Variants in OPCML observed in about 807,000 individuals in gnomAD.
OPCML encodes the protein opioid-binding protein/cell adhesion molecule.
A neutral mutation model predicts 37.8 loss-of-function variants in OPCML; 13 were observed. The observed-to-expected ratio is 0.34, with a 90% CI of 0.22 to 0.55. The LOEUF is 0.55. Among genes scored for constraint, OPCML ranks in the 20% least tolerant of loss-of-function variants. The pLI, the probability that OPCML is intolerant of heterozygous loss-of-function variation, is 0.91. For synonymous variants in OPCML, 176 were observed against 168.8 expected, an observed-to-expected ratio of 1.04 and a Z score of -0.33; for missense variants, 341 against 435.6, an observed-to-expected ratio of 0.78 and a Z score of 1.93.
intron 1 of OPCML, among the ~76,000 whole-genome samples, chr11:133,487,111 T>C (rs1258309563): frequency 1.3e-5 from 2 of 152,146 alleles, no homozygotes; most frequent in Non-Finnish European, 2.9e-5. Flanking sequence ...ACACATAATC[T>C]ATTCTTGTAA....
intron 1 of OPCML, among the ~76,000 whole-genome samples, chr11:133,473,780 C>G (rs1947171119): frequency 6.6e-6 from 1 of 152,220 alleles, no homozygotes; most frequent in South Asian, 2.1e-4. Context: ...ATCCAACCCA[C>G]ATGGGCAGGG....
chr11:132,897,405 G>A (rs1943891696), intron 2 of OPCML, among the ~76,000 whole-genome samples: 1 of 152,302 alleles, frequency 6.6e-6, no homozygotes, highest in Non-Finnish European at 1.5e-5. Flanking sequence ...GGCATGCACA[G>A]CAGCAGTCCC....
intron 1 of OPCML, among the ~76,000 whole-genome samples, chr11:133,337,262 C>A (rs1454629353): frequency 6.6e-6 from 1 of 152,308 alleles, no homozygotes; most frequent in Non-Finnish European, 1.5e-5. Context: ...CTGTGCAGAC[C>A]TCTCTGTAAA....
chr11:132,708,729 T>C (rs1237888128), intron 2 of OPCML, among the ~76,000 whole-genome samples: 3 of 152,202 alleles, frequency 2.0e-5, no homozygotes, highest in Non-Finnish European at 1.5e-5. Context: ...GGAGTGAAGC[T>C]AAGAAATTTT....
chr11:133,117,700 C>G, intron 1 of OPCML: 2 of 800,488 alleles, frequency 2.5e-6, no homozygotes, highest in Non-Finnish European at 3.0e-6. Flanking sequence ...GGTAATCACT[C>G]TCAAAATAAA....
chr11:132,539,725 T>C (rs1030720737), intron 3 of OPCML, among the ~76,000 whole-genome samples: 3 of 151,976 alleles, frequency 2.0e-5, no homozygotes, highest in African/African-American at 7.3e-5. Flanking sequence ...GTGATGATGA[T>C]GGTGATAATG....
chr11:132,463,403 C>G (rs903827701), intron 4 of OPCML, among the ~76,000 whole-genome samples: 1 of 152,322 alleles, frequency 6.6e-6, no homozygotes, highest in African/African-American at 2.4e-5. Context: ...CCAGGAAACT[C>G]TAGTGTAGTC....
intron 1 of OPCML, among the ~76,000 whole-genome samples, chr11:133,315,792 C>T (rs768586374): frequency 1.3e-5 from 2 of 152,124 alleles, no homozygotes; most frequent in Non-Finnish European, 2.9e-5. Context: ...GAGCAAAACT[C>T]CATCCCAGGG....
intron 1 of OPCML, chr11:133,531,996 G>A (rs534624227): frequency 1.2e-5 from 2 of 164,038 alleles, no homozygotes; most frequent in African/African-American, 4.8e-5. Context: ...AAACAGCAGT[G>A]CCTCACAGCA....
chr11:133,299,344 T>G (rs987869927), intron 1 of OPCML: 1 of 152,264 alleles, frequency 6.6e-6, no homozygotes, highest in Non-Finnish European at 1.5e-5. Flanking sequence ...GCACTAATAG[T>G]TAATCCCTGG....
At chr11:133,189,722 C>G (rs1417966643) in intron 1 of OPCML, among the ~76,000 whole-genome samples, 1 of 152,142 alleles carries the variant, frequency 6.6e-6, no homozygotes, top group Non-Finnish European at 1.5e-5. Flanking sequence ...AACACACAAC[C>G]AGCTTATTAA....
chr11:133,207,249 G>A (rs1037155378), intron 1 of OPCML, among the ~76,000 whole-genome samples: 4 of 151,948 alleles, frequency 2.6e-5, no homozygotes, highest in East Asian at 1.9e-4. Context: ...GTAGTGAGCC[G>A]AGATCAAGCC....
intron 2 of OPCML, among the ~76,000 whole-genome samples, chr11:132,919,801 C>A (rs1944730366): frequency 6.6e-6 from 1 of 152,108 alleles, no homozygotes. Context: ...AATGCCTGAA[C>A]CAGGACAGGA....
At chr11:132,441,393 C>T (rs2096034592) in intron 4 of OPCML, among the ~76,000 whole-genome samples, 1 of 151,664 alleles carries the variant, frequency 6.6e-6, no homozygotes, top group African/African-American at 2.4e-5. Flanking sequence ...TGGTCTCGAT[C>T]TCCTGACCTC....
chr11:133,310,321 G>A (rs757792221), intron 1 of OPCML, among the ~76,000 whole-genome samples: 2 of 152,104 alleles, frequency 1.3e-5, no homozygotes, highest in East Asian at 1.9e-4. Context: ...CTCCTTGGAC[G>A]TGGGGATTAT....
chr11:133,041,878 T>C (rs1347504159), intron 1 of OPCML, among the ~76,000 whole-genome samples: 1 of 152,180 alleles, frequency 6.6e-6, no homozygotes, highest in African/African-American at 2.4e-5. Flanking sequence ...CTCCGGGTGC[T>C]TAGAGCCCTC....
intron 1 of OPCML, among the ~76,000 whole-genome samples, chr11:133,082,259 C>G (rs1295501769): frequency 1.3e-5 from 2 of 151,694 alleles, no homozygotes; most frequent in Non-Finnish European, 2.9e-5. Context: ...TGGAAGCCAC[C>G]AGCTCCCGCG....
chr11:132,636,965 C>T (rs1312008158), intron 3 of OPCML, among the ~76,000 whole-genome samples: 1 of 152,180 alleles, frequency 6.6e-6, no homozygotes, highest in Non-Finnish European at 1.5e-5. Flanking sequence ...ATCTGCATTA[C>T]TAGCTGCTTT....
At chr11:133,005,412 T>C in intron 1 of OPCML, 1 of 985,402 alleles carries the variant, frequency 1.0e-6, no homozygotes, top group Non-Finnish European at 1.2e-6. Flanking sequence ...TTTTTCACCC[T>C]AACACCCATG....
Sources: gnomAD v4.1 joint callset for allele counts (sites outside exome capture counted in the v4.1 genomes callset) on GRCh38, gnomAD v4.1.1 for gene constraint, MANE v1.5 for transcripts, NCBI Gene and HGNC (gene_info 2026-07-23, HGNC 2026-07-21) for gene names.